Variants in ZNF346 observed in about 807,000 individuals in gnomAD.
ZNF346 encodes the protein zinc finger protein 346.
A neutral mutation model predicts 33.7 loss-of-function variants in ZNF346; 23 were observed. That is an observed-to-expected ratio of 0.68 (90% CI 0.49 to 0.97). ZNF346 has a LOEUF of 0.97. Among genes scored for constraint, ZNF346 ranks in the 50% least tolerant of loss-of-function variants. ZNF346 has a pLI of 0.00. For synonymous variants in ZNF346, 134 were observed against 142.4 expected (o/e 0.94, Z 0.42); for missense variants, 340 against 371.1 (o/e 0.92, Z 0.69).
In ZNF346 at chr5:177,041,150, A is replaced by G. The variant is rs757702110; in HGVS notation, c.200A>G (p.Gln67Arg). Residue 67 changes from glutamine (Q) to arginine (R), a missense_variant, in exon 2 of 7, where the codon CAA (glutamine) becomes CGA (arginine). Coordinates refer to ENST00000358149, the MANE Select transcript of ZNF346 (RefSeq NM_012279.4). ...EEVEHMIQKN[Q>R]CLFTNTQCKV... is the part of the protein sequence containing the mutation. ...GTGGAGCACATGATCCAGAAGAACC[A>G]ATGTCTCTTCACCAACACCCAGTGT... is the stretch of plus-strand genomic sequence containing the variant. 6.2e-7 allele frequency: 1 copy of G among 1,614,160 alleles called. No individual in the cohort carries two copies. Among genetic ancestry groups the G allele is most frequent in the South Asian group, 1.1e-5 (1 of 91,078 alleles).
chr5:177,070,375 A>G (rs373696415), downstream of ZNF346, among the ~76,000 whole-genome samples: 12 of 152,252 alleles, frequency 7.9e-5, no homozygotes, highest in East Asian at 1.8e-3. Context: ...CCCAGGACCC[A>G]CAATACAGCA....
At chr5:177,024,155 T>TACACACAC (rs1265518619) in intron 1 of ZNF346, among the ~76,000 whole-genome samples, 1 of 16,602 alleles carries the variant, frequency 6.0e-5, no homozygotes, top group South Asian at 2.2e-3. Flanking sequence ...GTATTTTATG[T>TACACACAC]ATACACACAC....
chr5:177,072,114 CT>C (rs1302350101), downstream of ZNF346, among the ~76,000 whole-genome samples: 1 of 152,224 alleles, frequency 6.6e-6, no homozygotes, highest in Non-Finnish European at 1.5e-5. Context: ...TCACGAGCCC[CT>C]GTATATGCTA....
At chr5:177,069,715 G>T (rs1218715063), downstream of ZNF346, among the ~76,000 whole-genome samples, 2 of 144,502 alleles carry the variant, frequency 1.4e-5, no homozygotes, top group Non-Finnish European at 2.9e-5. Flanking sequence ...ATTTTTTGTA[G>T]AGATGGAGTC....
chr5:177,044,559 T>C (rs1170039969), intron 4 of ZNF346, 26 bp downstream of exon 4: 1 of 1,612,078 alleles, frequency 6.2e-7, no homozygotes, highest in Admixed American at 1.7e-5. Flanking sequence ...AGTAGTGCTA[T>C]AGTGGGACCC....
Position 177,078,777 on chromosome 5 carries a change from G to A in ZNF346, c.*3-605G>A, listed in dbSNP as rs187524942. On this transcript the variant is annotated intron_variant, in intron 8 of 8. Coordinates refer to the ZNF346 transcript ENST00000503039. ...AACACAAAAATTAGCCAGGCATGGT[G>A]GCACACGCCTGTAATCCCAGGTACT... Among the ~76,000 whole-genome samples the A allele has an allele frequency of 1.9e-3, 293 of 152,046 alleles. 3 individuals carry two copies. The highest frequency in any genetic ancestry group is 4.3e-3 in the Admixed American group (66 of 15,264).
intron 4 of ZNF346, among the ~76,000 whole-genome samples, chr5:177,050,162 C>T (rs1780659929): frequency 6.6e-6 from 1 of 152,210 alleles, no homozygotes; most frequent in African/African-American, 2.4e-5. Flanking sequence ...TTTCTCTCTA[C>T]TCAGCCTATA....
chr5:177,061,920 T>TG, intron 5 of ZNF346, 138 bp from the exon 6 acceptor site: 1 of 692,090 alleles, frequency 1.4e-6, no homozygotes, highest in Non-Finnish European at 2.6e-6. Flanking sequence ...CTGTGGCCTC[T>TG]GGGTTCTCAT....
intron 8 of ZNF346, among the ~76,000 whole-genome samples, chr5:177,076,599 C>G (rs77919815): frequency 2.1e-4 from 32 of 152,300 alleles, no homozygotes; most frequent in African/African-American, 7.7e-4. Flanking sequence ...CACTGCTCCC[C>G]ACTCTGTTCC....
chr5:177,024,077 C>A (rs115360517), intron 1 of ZNF346, among the ~76,000 whole-genome samples: 1 of 146,862 alleles, frequency 6.8e-6, no homozygotes, highest in African/African-American at 2.5e-5. Flanking sequence ...AATATACACA[C>A]ACATAAATGT....
At chr5:177,044,677 G>A (rs1779802016) in intron 4 of ZNF346, 144 bp downstream of exon 4, 1 of 823,988 alleles carries the variant, frequency 1.2e-6, no homozygotes, top group Non-Finnish European at 1.9e-6. Flanking sequence ...TCTCCAAGTA[G>A]ACCCAGCTTC....
intron 1 of ZNF346, among the ~76,000 whole-genome samples, chr5:177,038,275 G>C (rs115444080): frequency 7.4e-6 from 1 of 134,810 alleles, no homozygotes; most frequent in Non-Finnish European, 1.6e-5. Flanking sequence ...TTTTGTGTGT[G>C]TGTGTTTTTT....
At chr5:177,062,278 G>T (rs565285483) in intron 6 of ZNF346, 127 bp downstream of exon 6, 19 of 727,820 alleles carry the variant, frequency 2.6e-5, no homozygotes, top group East Asian at 1.8e-4. Flanking sequence ...AACAGAAGAT[G>T]AATCATGTAA....
chr5:177,071,481 T>C (rs1184666421), downstream of ZNF346, among the ~76,000 whole-genome samples: 8 of 151,492 alleles, frequency 5.3e-5, no homozygotes, highest in Non-Finnish European at 1.2e-4. Context: ...GGTTAGGAGA[T>C]CGAGACCATC....
chr5:177,057,797 C>CTTATTTATTTATTTATTTAT (rs200388195), intron 5 of ZNF346, among the ~76,000 whole-genome samples: 3 of 133,264 alleles, frequency 2.3e-5, no homozygotes, highest in African/African-American at 8.3e-5. Context: ...CATAGATTTT[C>CTTATTTATTTATTTATTTAT]TTATTTATTT....
Position 177,064,596 on chromosome 5 carries a change from C to CT in ZNF346, c.883dup (p.Ter295LeufsTer54). On this transcript the variant is annotated frameshift_variant, in exon 7 of 7. Transcript: ENST00000358149. LOFTEE classifies it high-confidence loss of function. ...AGAAAGACTCAACCACCTTGGAAGACTAGAGGTGATTCTGCCCAGCATCCC... is the reference window on the plus strand; with the variant it reads ...AGAAAGACTCAACCACCTTGGAAGACTTAGAGGTGATTCTGCCCAGCATCCC... 6.2e-7 allele frequency: 1 copy of CT among 1,613,446 alleles called. No individual in the cohort carries two copies. Among genetic ancestry groups the CT allele is most frequent in the Non-Finnish European group, 8.5e-7 (1 of 1,179,324 alleles).
chr5:177,030,260 GTTGA>G (rs916583376), intron 1 of ZNF346, among the ~76,000 whole-genome samples: 10 of 151,934 alleles, frequency 6.6e-5, no homozygotes, highest in African/African-American at 2.4e-4. Flanking sequence ...TCTTCCTATT[GTTGA>G]TTTCTGATTA....
intron 1 of ZNF346, among the ~76,000 whole-genome samples, chr5:177,036,158 G>A (rs974293872): frequency 4.6e-5 from 7 of 152,042 alleles, no homozygotes; most frequent in African/African-American, 1.2e-4. Flanking sequence ...AAACAACAGC[G>A]GGGTGGAGCC....
At chr5:177,025,285 C>T (rs1323406904) in intron 1 of ZNF346, among the ~76,000 whole-genome samples, 4 of 152,170 alleles carry the variant, frequency 2.6e-5, no homozygotes, top group African/African-American at 9.7e-5. Flanking sequence ...ATGAATATAA[C>T]ACATTCTATT....
Sources: allele counts gnomAD v4.1 joint callset (sites outside exome capture counted in the v4.1 genomes callset), GRCh38; gene constraint gnomAD v4.1.1; transcripts MANE v1.5; gene names NCBI Gene and HGNC (gene_info 2026-07-23, HGNC 2026-07-21).